CACNA2D3: variants seen among roughly 807,000 people sequenced by gnomAD.
The protein encoded by CACNA2D3 is voltage-dependent calcium channel subunit alpha-2/delta-3.
CACNA2D3 carries 60 observed loss-of-function variants against 160.6 expected under a neutral mutation model. The observed-to-expected ratio is 0.37, with a 90% CI of 0.30 to 0.46. CACNA2D3 has a LOEUF of 0.46. CACNA2D3 is among the 20% of genes least tolerant of loss of function. CACNA2D3 has a pLI of 1.00. For synonymous variants in CACNA2D3, 558 were observed against 492.9 expected (o/e 1.13, Z -1.75); for missense variants, 1,205 against 1,365.0 (o/e 0.88, Z 1.85).
At chr3:54,445,796 G>A (rs752027472) in intron 4 of CACNA2D3, among the ~76,000 whole-genome samples, 3 of 152,072 alleles carry the variant, frequency 2.0e-5, no homozygotes, top group Non-Finnish European at 4.4e-5. Context: ...GGAGGGGATG[G>A]GCCAGCAGTT....
chr3:54,778,286 G>A (rs1433969916), intron 13 of CACNA2D3, among the ~76,000 whole-genome samples: 1 of 152,008 alleles, frequency 6.6e-6, no homozygotes, highest in African/African-American at 2.4e-5. Flanking sequence ...CAACATTGGG[G>A]GTTACAGTTT....
intron 36 of CACNA2D3, 67 bp from the exon 37 acceptor site, chr3:55,073,710 A>AT: frequency 7.1e-7 from 1 of 1,410,844 alleles, no homozygotes; most frequent in Non-Finnish European, 9.9e-7. Flanking sequence ...TCATTGCCAA[A>AT]TTTTGACCTC....
intron 9 of CACNA2D3, among the ~76,000 whole-genome samples, chr3:54,584,011 A>G (rs1702720145): frequency 6.6e-6 from 1 of 152,196 alleles, no homozygotes; most frequent in Non-Finnish European, 1.5e-5. Context: ...TCAACGGAAC[A>G]ACCAATCCTA....
chr3:54,134,348 T>C (rs2107257871), intron 2 of CACNA2D3, among the ~76,000 whole-genome samples: 1 of 152,232 alleles, frequency 6.6e-6, no homozygotes, highest in Middle Eastern at 3.4e-3. Context: ...TGCTTGCTCT[T>C]TCTGACCTGG....
intron 36 of CACNA2D3, 54 bp from the exon 37 acceptor site, chr3:55,073,723 A>C: frequency 6.8e-7 from 1 of 1,479,716 alleles, no homozygotes; most frequent in East Asian, 2.3e-5. Flanking sequence ...TTGACCTCTG[A>C]AATGCAGAGT....
intron 24 of CACNA2D3, among the ~76,000 whole-genome samples, chr3:54,888,833 T>G (rs1467874480): frequency 6.6e-6 from 1 of 152,202 alleles, no homozygotes; most frequent in Non-Finnish European, 1.5e-5. Flanking sequence ...AAGTCTTGAC[T>G]GTGTGTCTGT....
At chr3:54,747,614 G>T (rs1701777116) in intron 11 of CACNA2D3, among the ~76,000 whole-genome samples, 2 of 152,108 alleles carry the variant, frequency 1.3e-5, no homozygotes, top group Admixed American at 6.5e-5. Context: ...GGATCCACAT[G>T]ATGTGGCACC....
chr3:54,595,510 G>A (rs1444301620), intron 9 of CACNA2D3, among the ~76,000 whole-genome samples: 1 of 152,150 alleles, frequency 6.6e-6, no homozygotes, highest in Non-Finnish European at 1.5e-5. Flanking sequence ...GAGATGCTAT[G>A]GAGACTGAGA....
chr3:54,157,506 G>T (rs9846298), intron 2 of CACNA2D3, among the ~76,000 whole-genome samples: 76,633 of 151,952 alleles, frequency 0.5, 19,855 homozygotes, highest in African/African-American at 0.63. Flanking sequence ...AAGAAGAAAC[G>T]GGGGCCAGGC....
At chr3:54,140,832 C>G (rs1276874654) in intron 2 of CACNA2D3, among the ~76,000 whole-genome samples, 2 of 152,192 alleles carry the variant, frequency 1.3e-5, no homozygotes, top group African/African-American at 2.4e-5. Flanking sequence ...GTAATAGTCT[C>G]TGTCAGAAAA....
chr3:54,156,029 G>A (rs1337687481), intron 2 of CACNA2D3, among the ~76,000 whole-genome samples: 1 of 152,144 alleles, frequency 6.6e-6, no homozygotes. Context: ...TGAGGCTTTA[G>A]CCTGGTTTAT....
At chr3:54,484,505 T>C (rs893439737) in intron 4 of CACNA2D3, among the ~76,000 whole-genome samples, 1 of 152,192 alleles carries the variant, frequency 6.6e-6, no homozygotes, top group Non-Finnish European at 1.5e-5. Context: ...TCATGACCTT[T>C]TGTGATATGC....
chr3:54,848,230 C>A (rs143213609), intron 17 of CACNA2D3, among the ~76,000 whole-genome samples: 1,741 of 152,238 alleles, frequency 0.011, 35 homozygotes, highest in African/African-American at 0.04. Context: ...AGCTGTGGCC[C>A]CTGAGAGGGC....
At chr3:54,262,616 ATCC>A (rs1702423228) in intron 2 of CACNA2D3, among the ~76,000 whole-genome samples, 2 of 151,704 alleles carry the variant, frequency 1.3e-5, no homozygotes, top group South Asian at 4.2e-4. Flanking sequence ...TAAAAAAAAA[ATCC>A]ATTCATTCAA....
At chr3:54,881,107 C>G (rs1000676229) in intron 21 of CACNA2D3, among the ~76,000 whole-genome samples, 2 of 152,172 alleles carry the variant, frequency 1.3e-5, no homozygotes, top group Non-Finnish European at 2.9e-5. Context: ...ATTCTACTTT[C>G]ATCCACAAAG....
At chr3:54,571,035 T>A (rs935431671) in intron 8 of CACNA2D3, among the ~76,000 whole-genome samples, 3 of 152,152 alleles carry the variant, frequency 2.0e-5, no homozygotes, top group Non-Finnish European at 4.4e-5. Context: ...GACATGAGAC[T>A]TCAGTCAAAT....
chr3:54,903,226 G>A (rs1340899316), intron 27 of CACNA2D3, among the ~76,000 whole-genome samples: 1 of 151,896 alleles, frequency 6.6e-6, no homozygotes, highest in Non-Finnish European at 1.5e-5. Flanking sequence ...CCTCCATTAG[G>A]TCCTAGTGTG....
At chr3:54,462,844 T>C (rs1230144293) in intron 4 of CACNA2D3, among the ~76,000 whole-genome samples, 3 of 151,536 alleles carry the variant, frequency 2.0e-5, no homozygotes, top group African/African-American at 7.3e-5. Flanking sequence ...ATTTTGCTCA[T>C]TAGTTGATGC....
intron 13 of CACNA2D3, among the ~76,000 whole-genome samples, chr3:54,814,729 C>G (rs1206115940): frequency 6.6e-6 from 1 of 152,168 alleles, no homozygotes; most frequent in Non-Finnish European, 1.5e-5. Flanking sequence ...AAGGCCTGGT[C>G]TGTCATTTTC....
Sources: gnomAD v4.1 joint callset for allele counts (sites outside exome capture counted in the v4.1 genomes callset) on GRCh38, gnomAD v4.1.1 for gene constraint, MANE v1.5 for transcripts, NCBI Gene and HGNC (gene_info 2026-07-23, HGNC 2026-07-21) for gene names.